ZC3H7B: variants seen among roughly 807,000 people sequenced by gnomAD.
The protein encoded by ZC3H7B is zinc finger CCCH-type containing 7B, also known as zinc finger CCCH domain-containing protein 7B.
A neutral mutation model predicts 116.0 loss-of-function variants in ZC3H7B; 35 were observed. That is an observed-to-expected ratio of 0.30 (90% CI 0.23 to 0.40). The LOEUF (loss-of-function observed/expected upper bound fraction) is 0.40, where lower values mean the gene tolerates loss of function less well. ZC3H7B is among the 10% of genes least tolerant of loss of function. The pLI, the probability that ZC3H7B is intolerant of heterozygous loss-of-function variation, is 1.00. For synonymous variants in ZC3H7B, 502 were observed against 545.6 expected (o/e 0.92, Z 1.11); for missense variants, 1,011 against 1,321.5 (o/e 0.77, Z 3.64).
chr22:41,335,149 C>G (rs1051009380), intron 7 of ZC3H7B: 7 of 152,290 alleles, frequency 4.6e-5, no homozygotes, highest in Non-Finnish European at 8.8e-5. Context: ...AGACCAGTTC[C>G]TCCTATGGGG....
intron 1 of ZC3H7B, among the ~76,000 whole-genome samples, chr22:41,317,472 G>A (rs1005948599): frequency 4.6e-5 from 7 of 151,988 alleles, no homozygotes; most frequent in Admixed American, 4.6e-4. Context: ...GGGCACAAAC[G>A]TCCAGGCCGT....
intron 1 of ZC3H7B, among the ~76,000 whole-genome samples, chr22:41,313,268 G>A (rs925329042): frequency 6.6e-6 from 1 of 152,110 alleles, no homozygotes. Flanking sequence ...ACAGGCGCCC[G>A]CCACCACGCC....
intron 2 of ZC3H7B, among the ~76,000 whole-genome samples, chr22:41,321,829 C>CTTT (rs199611879): frequency 0.015 from 1,330 of 90,952 alleles, 422 homozygotes; most frequent in African/African-American, 0.051. Context: ...AACTCACATT[C>CTTT]TTTTTTTTTT....
Position 41,338,249 on chromosome 22 carries a change from T to C in ZC3H7B, c.583-64T>C, listed in dbSNP as rs1050175037. ...ACAGCATAGTCACGTGGGGAGGGGC[T>C]GGTGCTGGGTGCTGGGATCGGGGCC... On this transcript the variant is annotated intron_variant, in intron 7 of 22. Coordinates refer to ENST00000352645, the MANE Select transcript of ZC3H7B (RefSeq NM_017590.6). This position sits in a 1 kb window ranked among gnomAD's most constrained non-coding sequence, Gnocchi z 4.5. 2 of 1,555,730 alleles carry C rather than the reference T, an allele frequency of 1.3e-6. No homozygotes were observed. Among genetic ancestry groups the C allele is most frequent in the African/African-American group, 1.4e-5 (1 of 73,780 alleles).
In ZC3H7B at chr22:41,341,138, G is replaced by C; in HGVS notation, c.1189G>C (p.Ala397Pro). The C allele has an allele frequency of 6.2e-7, 1 of 1,613,922 alleles. No individual in the cohort carries two copies. Among genetic ancestry groups the C allele is most frequent in the Non-Finnish European group, 8.5e-7 (1 of 1,179,892 alleles). Residue 397 changes from alanine (A) to proline (P), a missense_variant, in exon 11 of 23, where the codon GCC becomes CCC. By Grantham distance (27) the Ala-to-Pro change is conservative (BLOSUM62 -1). Transcript: ENST00000352645. ...TCCCCCTAGCGGTGCTCAGAAACCA[G>C]CCCCCTCGGTGAGTGACTTGAGTGG... ...HRPPSGAQKP[A>P]PSPEPCMPNT...
At position 41,302,256 on chromosome 22, in the gene ZC3H7B, TG is replaced by T. The variant is rs1228406175; in HGVS notation, c.-7+486del. Among the ~76,000 whole-genome samples the T allele has an allele frequency of 6.7e-6, 1 of 150,324 alleles. No individual in the cohort carries two copies. The highest frequency in any genetic ancestry group is 1.5e-5 in the Non-Finnish European group (1 of 67,434). ...TCCTTGGCCCCGCAGCACCCGGAGT[TG>T]GAGGGGCCGCGGCGAGGGCCGGGGA... On this transcript the variant is annotated intron_variant, in intron 1 of 22. Coordinates refer to ENST00000352645, the MANE Select transcript of ZC3H7B (RefSeq NM_017590.6). This position sits in a 1 kb window ranked among gnomAD's most constrained non-coding sequence, Gnocchi z 5.7.
In ZC3H7B at chr22:41,357,570, A is replaced by G. The variant is rs1761326065; in HGVS notation, c.*141A>G. ...CCCCCAGCCCCCTGAGGCCCTGTCC[A>G]TCTTCTCCCCACCACCGCCCCGGTG... On this transcript the variant is annotated 3_prime_UTR_variant, in exon 23 of 23. Coordinates refer to ENST00000352645, the MANE Select transcript of ZC3H7B (RefSeq NM_017590.6). The surrounding 1 kb of genome is among the most constrained non-coding windows in gnomAD (Gnocchi z 5.4). 3.6e-6 allele frequency: 4 copies of G among 1,121,132 alleles called. No individual in the cohort carries two copies. The highest frequency in any genetic ancestry group is 1.6e-5 in the African/African-American group (1 of 64,506). The allele number at this position is 1,121,132 out of a possible 1,614,324, so 69.4% of individuals were successfully genotyped here.
At chr22:41,341,700 G>T (rs1434137080) in intron 11 of ZC3H7B, among the ~76,000 whole-genome samples, 1 of 151,926 alleles carries the variant, frequency 6.6e-6, no homozygotes, top group Non-Finnish European at 1.5e-5. Context: ...CCGAGATCGC[G>T]CCACTGCATT....
chr22:41,305,342 CA>C (rs576957718), intron 1 of ZC3H7B, among the ~76,000 whole-genome samples: 5,109 of 94,116 alleles, frequency 0.054, 272 homozygotes, highest in African/African-American at 0.16. Context: ...GACTCTGTCT[CA>C]AAAAAAAAAA....
At chr22:41,339,335 T>C (rs2036486920) in intron 9 of ZC3H7B, 144 bp downstream of exon 9, 9 of 1,046,652 alleles carry the variant, frequency 8.6e-6, no homozygotes, top group African/African-American at 1.6e-5. Flanking sequence ...GGTACAGAAA[T>C]GAAGCTGCAC....
Position 41,357,863 on chromosome 22 carries a change from T to C in ZC3H7B, c.*434T>C. On this transcript the variant is annotated 3_prime_UTR_variant, in exon 23 of 23. Coordinates refer to ENST00000352645, the MANE Select transcript of ZC3H7B (RefSeq NM_017590.6). The surrounding 1 kb of genome is among the most constrained non-coding windows in gnomAD (Gnocchi z 5.4). ...CCCACCCCCTCCCCCTGGGGGCAAA[T>C]CAGGACACAACAGAGGGCAGAGGCC... 1 of 226,954 alleles carries C rather than the reference T, an allele frequency of 4.4e-6. No homozygotes were observed. Among genetic ancestry groups the C allele is most frequent in the Non-Finnish European group, 8.8e-6 (1 of 113,254 alleles). The allele number at this position is 226,954 out of a possible 1,614,324, so 14.1% of individuals were successfully genotyped here. A position where few individuals can be genotyped will look rare whatever the true frequency, so the allele number is the denominator to read the frequency against.
chr22:41,339,100 G>A lies in ZC3H7B; in HGVS notation c.725G>A (p.Ser242Asn), dbSNP rs2036483510. ...HVLDLLAPLD[S>N]SRTLPSTDSL... The stretch of plus-strand genomic sequence containing the variant: ...CTGGACCTGCTGGCCCCCCTGGACA[G>A]CAGCAGGACCCTCCCCAGCACCGAC... Residue 242 changes from serine to asparagine, a missense_variant, in exon 9 of 23, where the codon AGC becomes AAC. Ser to Asn is a conservative substitution (Grantham distance 46). Coordinates refer to ENST00000352645, the MANE Select transcript of ZC3H7B (RefSeq NM_017590.6). The A allele has an allele frequency of 1.2e-6, 2 of 1,612,500 alleles. No homozygotes were observed. Among genetic ancestry groups the A allele is most frequent in the African/African-American group, 1.3e-5 (1 of 74,978 alleles).
At chr22:41,352,469 G>T (rs1004995105) in intron 17 of ZC3H7B, among the ~76,000 whole-genome samples, 1 of 152,166 alleles carries the variant, frequency 6.6e-6, no homozygotes, top group Non-Finnish European at 1.5e-5. Context: ...AATTAATAAA[G>T]GTCTTCAGAG....
At chr22:41,321,585 A>G (rs1012380290) in intron 2 of ZC3H7B, among the ~76,000 whole-genome samples, 2 of 152,100 alleles carry the variant, frequency 1.3e-5, no homozygotes, top group African/African-American at 4.8e-5. Flanking sequence ...TCCTGGGCTC[A>G]AGTGATCCTC....
intron 1 of ZC3H7B, among the ~76,000 whole-genome samples, chr22:41,315,299 C>T (rs2036167672): frequency 6.6e-6 from 1 of 151,718 alleles, no homozygotes; most frequent in Admixed American, 6.6e-5. Context: ...AGCACAGCTT[C>T]CTGAGTAGAT....
rs1382514142 is a variant in ZC3H7B, at chr22:41,359,886, T to C, written c.*2457T>C. ...TTCCCCCCGGCAGGCAGGGACAAGA[T>C]GGCATGGCAAGCATGGGGGCGGGGT... is the stretch of plus-strand genomic sequence containing the variant. On this transcript the variant is annotated 3_prime_UTR_variant, in exon 23 of 23. Coordinates refer to ENST00000352645, the MANE Select transcript of ZC3H7B (RefSeq NM_017590.6). 2.3e-5 allele frequency: 2 copies of C among 87,790 alleles called. No individual in the cohort carries two copies. Among genetic ancestry groups the C allele is most frequent in the Non-Finnish European group, 4.1e-5 (2 of 49,264 alleles). The allele number at this position is 87,790 out of a possible 1,614,324, so 5.4% of individuals were successfully genotyped here.
In ZC3H7B at chr22:41,320,811, C is replaced by G. The variant is rs1006237386; in HGVS notation, c.53+98C>G. 13 of 1,535,160 alleles carry G rather than the reference C, an allele frequency of 8.5e-6. No homozygotes were observed. In the East Asian group the frequency reaches 2.0e-4, roughly 24 times the overall value. ...AGCGCTCCCTTTTCTTGCTGCTGAG[C>G]CTTTGCTGCCAAGGCTCCTGTGTGC... On this transcript the variant is annotated intron_variant, in intron 2 of 22. Transcript: ENST00000352645.
Position 41,355,445 on chromosome 22 carries a change from A to AC in ZC3H7B, c.2035-18dup, listed in dbSNP as rs756581579. 6.3e-5 allele frequency: 102 copies of AC among 1,612,350 alleles called. 1 individual carries two copies. The highest frequency in any genetic ancestry group is 7.4e-5 in the Non-Finnish European group (87 of 1,179,366). On this transcript the variant is annotated intron_variant, in intron 17 of 22. Coordinates refer to ENST00000352645, the MANE Select transcript of ZC3H7B (RefSeq NM_017590.6). ...AGGCCTGGTGCCTGCAGCTTCACCAACCCCCCTCCCCATCCCCCCACAGGG... is the reference window on the plus strand; with the variant it reads ...AGGCCTGGTGCCTGCAGCTTCACCAACCCCCCCTCCCCATCCCCCCACAGGG...
chr22:41,341,797 C>T (rs1015736398), intron 11 of ZC3H7B, among the ~76,000 whole-genome samples: 1 of 151,860 alleles, frequency 6.6e-6, no homozygotes, highest in Non-Finnish European at 1.5e-5. Context: ...GGCGTGGTGG[C>T]TCATGCCTAT....
Sources: gnomAD v4.1 joint callset for allele counts (sites outside exome capture counted in the v4.1 genomes callset) on GRCh38, gnomAD v4.1.1 for gene constraint, Gnocchi (gnomAD v3.1) non-coding constraint, MANE v1.5 for transcripts, NCBI Gene and HGNC (gene_info 2026-07-23, HGNC 2026-07-21) for gene names.